IL6ST: variants seen among roughly 807,000 people sequenced by gnomAD.
IL6ST encodes interleukin 6 cytokine family signal transducer.
A neutral mutation model predicts 91.3 loss-of-function variants in IL6ST; 24 were observed. The ratio of observed to expected loss-of-function variants is 0.26; its 90% CI spans 0.19 to 0.37. The LOEUF is 0.37. IL6ST is among the 10% of genes least tolerant of loss of function. The pLI is 1.00. For synonymous variants in IL6ST, 351 were observed against 373.6 expected (o/e 0.94, Z 0.70); for missense variants, 914 against 1,078.5 (o/e 0.85, Z 2.14).
At position 55,963,344 on chromosome 5, in the gene IL6ST, C is replaced by T. The variant is rs2111766972; in HGVS notation, c.813+8G>A. 1.3e-6 allele frequency: 2 copies of T among 1,558,540 alleles called. No individual in the cohort carries two copies. The highest frequency in any genetic ancestry group is 1.7e-6 in the Non-Finnish European group (2 of 1,151,016). On this transcript the variant is annotated splice_region_variant and intron_variant, in intron 7 of 16. Transcript: ENST00000381298. ...GACTATTTGAATAAACGGTAACTTT[C>T]AATTTACCTGGCTCCAAGTTGAGGC...
intron 11 of IL6ST, among the ~76,000 whole-genome samples, 175 bp downstream of exon 11, chr5:55,954,635 G>C (rs1290846788): frequency 6.6e-6 from 1 of 152,196 alleles, no homozygotes; most frequent in Non-Finnish European, 1.5e-5. Context: ...TTCATAAAGA[G>C]ACTGTAATTC....
intron 2 of IL6ST, chr5:55,978,175 A>G (rs1753426320): frequency 6.6e-6 from 1 of 152,330 alleles, no homozygotes; most frequent in Middle Eastern, 3.4e-3. Flanking sequence ...TACTCATAAC[A>G]GTAGTCAGAG....
rs1019764658 is a variant in IL6ST, at chr5:55,936,066, GTTTT to G, written c.*5012_*5015del. The G allele has an allele frequency of 8.8e-6, 2 of 228,022 alleles. No homozygotes were observed. The highest frequency in any genetic ancestry group is 1.7e-5 in the Non-Finnish European group (2 of 114,874). The allele number at this position is 228,022 out of a possible 1,614,324, so 14.1% of individuals were successfully genotyped here. On this transcript the variant is annotated 3_prime_UTR_variant, in exon 17 of 17. Transcript: ENST00000381298. ...GGAGTTACTGTTGGCTGGCTTGTGGGTTTTTTGACTCACTACATTTTTTTAGACA... is the reference window on the plus strand; with the variant it reads ...GGAGTTACTGTTGGCTGGCTTGTGGGTTGACTCACTACATTTTTTTAGACA...
At position 55,939,133 on chromosome 5, in the gene IL6ST, G is replaced by A. The variant is rs1473535470; in HGVS notation, c.*1949C>T. 1 of 209,058 alleles carries A rather than the reference G, an allele frequency of 4.8e-6. No homozygotes were observed. The highest frequency in any genetic ancestry group is 2.3e-5 in the African/African-American group (1 of 44,044). The allele number at this position is 209,058 out of a possible 1,614,324, so 13.0% of individuals were successfully genotyped here. On this transcript the variant is annotated 3_prime_UTR_variant, in exon 17 of 17. Transcript: ENST00000381298. ...TTTGAGAAAATGGAAAATGTAATAGGTATAAATTTCCTGACACATACAGCA... is the reference window on the plus strand; with the variant it reads ...TTTGAGAAAATGGAAAATGTAATAGATATAAATTTCCTGACACATACAGCA...
At chr5:55,983,927 T>C (rs1481990836) in intron 1 of IL6ST, among the ~76,000 whole-genome samples, 2 of 152,170 alleles carry the variant, frequency 1.3e-5, no homozygotes, top group African/African-American at 4.8e-5. Flanking sequence ...TAGAGAGTAA[T>C]TCCTTGTAGC....
intron 7 of IL6ST, among the ~76,000 whole-genome samples, chr5:55,960,857 C>T (rs925075153): frequency 3.3e-5 from 5 of 152,084 alleles, no homozygotes; most frequent in Non-Finnish European, 7.4e-5. Context: ...TCTGTAACTC[C>T]TGACCTCAAG....
At chr5:55,987,017 TAGAC>T (rs946754172) in intron 1 of IL6ST, among the ~76,000 whole-genome samples, 2 of 152,138 alleles carry the variant, frequency 1.3e-5, no homozygotes, top group Non-Finnish European at 2.9e-5. Context: ...AATAAAAAGT[TAGAC>T]AGCTGTGGTG....
intron 2 of IL6ST, among the ~76,000 whole-genome samples, chr5:55,979,733 C>T (rs1221973521): frequency 5.3e-5 from 8 of 152,142 alleles, no homozygotes; most frequent in Non-Finnish European, 8.8e-5. Context: ...AGAGCCAGTT[C>T]GGCAATATCA....
intron 15 of IL6ST, 47 bp from the exon 16 acceptor site, chr5:55,942,798 CAATAA>C (rs1561153472): frequency 5.2e-6 from 5 of 960,508 alleles, no homozygotes; most frequent in Non-Finnish European, 8.3e-6. Flanking sequence ...ACATAATAAA[CAATAA>C]ATAGTCCCTA....
Position 55,969,699 on chromosome 5 carries a change from A to T in IL6ST, c.221T>A (p.Ile74Asn). ...YIVWKTNHFT[I>N]PKEQYTIINR... ...TATGATAGTATATTGCTCCTTAGGA[A>T]TAGTAAAATGGTTTGTTTTCCAGAC... is the stretch of plus-strand genomic sequence containing the variant. Residue 74 changes from isoleucine (I) to asparagine (N), a missense_variant, in exon 4 of 17, where the codon ATT becomes AAT. Ile to Asn is a moderately radical substitution (Grantham distance 149). Transcript: ENST00000381298. 2 of 1,612,930 alleles carry T rather than the reference A, an allele frequency of 1.2e-6. No homozygotes were observed. The highest frequency in any genetic ancestry group is 2.2e-5 in the South Asian group (2 of 91,056).
chr5:55,979,921 A>T (rs1186006756), intron 2 of IL6ST, among the ~76,000 whole-genome samples: 1 of 152,228 alleles, frequency 6.6e-6, no homozygotes, highest in East Asian at 1.9e-4. Context: ...AAACCATGTA[A>T]ATGTAAATAC....
intron 15 of IL6ST, chr5:55,944,748 G>A: frequency 9.8e-7 from 1 of 1,023,902 alleles, no homozygotes; most frequent in Non-Finnish European, 1.5e-6. Context: ...CTAGCTTGTT[G>A]CACCGTGGAG....
At chr5:55,959,573 A>T in intron 8 of IL6ST, 1 of 893,890 alleles carries the variant, frequency 1.1e-6, no homozygotes, top group Non-Finnish European at 1.6e-6. Context: ...TGCCTTTTTT[A>T]TTCTATATCA....
intron 7 of IL6ST, 93 bp downstream of exon 7, chr5:55,963,259 G>A: frequency 1.1e-6 from 1 of 886,858 alleles, no homozygotes; most frequent in Non-Finnish European, 1.7e-6. Flanking sequence ...CACATAACCA[G>A]AAACTTAAAG....
chr5:55,994,241 G>A (rs1580884084), intron 1 of IL6ST: 1 of 152,022 alleles, frequency 6.6e-6, no homozygotes, highest in Admixed American at 6.5e-5. Flanking sequence ...TTGGGATACA[G>A]TGAGATGTGG....
chr5:55,952,530 G>A (rs1751699698), intron 11 of IL6ST, among the ~76,000 whole-genome samples, 179 bp from the exon 12 acceptor site: 1 of 152,188 alleles, frequency 6.6e-6, no homozygotes, highest in Admixed American at 6.5e-5. Context: ...AAAACTGTCT[G>A]TAAAAGTATT....
Position 55,975,192 on chromosome 5 carries a change from A to T in IL6ST, c.64+1023T>A, listed in dbSNP as rs190151328. Among the ~76,000 whole-genome samples, 3 of 152,144 alleles carry T rather than the reference A, an allele frequency of 2.0e-5. No individual in the cohort carries two copies. The East Asian group carries it at 5.8e-4, about 29-fold the overall frequency. On this transcript the variant is annotated intron_variant, in intron 3 of 16. Transcript: ENST00000381298. The stretch of plus-strand genomic sequence containing the variant: ...GTCGTATCATAATCCCCAGTGTTGG[A>T]GGTGGGGCCTGGTGGAGAGGTGATT...
chr5:55,939,782 A>C lies in IL6ST; in HGVS notation c.*1300T>G, dbSNP rs1750769081. On this transcript the variant is annotated 3_prime_UTR_variant, in exon 17 of 17. Coordinates refer to ENST00000381298, the MANE Select transcript of IL6ST (RefSeq NM_002184.4). ...GAGGCCTGGGTCACTTCTCCCTTGA[A>C]GAAAAAAGGTTTTAAAAATTCCTAA... 1 of 205,902 alleles carries C rather than the reference A, an allele frequency of 4.9e-6. No homozygotes were observed. The highest frequency in any genetic ancestry group is 5.9e-5 in the Admixed American group (1 of 16,838). 12.8% of individuals were successfully genotyped at this position (205,902 alleles called of 1,614,324 possible).
At chr5:55,944,593 A>G (rs1337738525) in intron 15 of IL6ST, 1 of 596,682 alleles carries the variant, frequency 1.7e-6, no homozygotes, top group Non-Finnish European at 3.1e-6. Context: ...TGAAAGACTC[A>G]GTAGCGTTAA....
Sources: allele counts gnomAD v4.1 joint callset (sites outside exome capture counted in the v4.1 genomes callset), GRCh38; gene constraint gnomAD v4.1.1; transcripts MANE v1.5; gene names NCBI Gene and HGNC (gene_info 2026-07-23, HGNC 2026-07-21).